The following ID4 variants were observed in gnomAD, a reference collection of about 807,000 sequenced individuals.
ID4 encodes the protein DNA-binding protein inhibitor ID-4.
A neutral mutation model predicts 8.6 loss-of-function variants in ID4; 9 were observed. The observed-to-expected ratio is 1.04, with a 90% confidence interval of 0.63 to 1.82. The LOEUF (loss-of-function observed/expected upper bound fraction) is 1.82. ID4 is among the 40% of genes most tolerant of loss of function. The pLI, the probability that ID4 is intolerant of heterozygous loss-of-function variation, is 0.00. For synonymous variants in ID4, 180 were observed against 118.0 expected (o/e 1.53, Z -3.41); for missense variants, 270 against 235.1 (o/e 1.15, Z -0.97).
chr6:19,841,218 T>G lies in ID4; in HGVS notation c.*2023T>G, dbSNP rs529977432. Among the ~76,000 whole-genome samples the G allele has an allele frequency of 7.9e-5, 12 of 152,218 alleles. No homozygotes were observed. The highest frequency in any genetic ancestry group is 1.5e-4 in the Non-Finnish European group (10 of 68,014). On this transcript the variant is annotated 3_prime_UTR_variant, in exon 3 of 3. Coordinates refer to ENST00000378700, the MANE Select transcript of ID4 (RefSeq NM_001546.4). ...TTTGAGAATTTGATGTTGAACGTTA[T>G]AAAGTCAAAGAACTGCTTGTTTAGA...
chr6:19,838,015 A>G lies in ID4; in HGVS notation c.261A>G (p.Lys87=), dbSNP rs1581594520. The G allele has an allele frequency of 6.2e-7, 1 of 1,604,896 alleles. No individual in the cohort carries two copies. Among genetic ancestry groups the G allele is most frequent in the Non-Finnish European group, 8.5e-7 (1 of 1,175,484 alleles). Residue 87 remains lysine (K), a synonymous_variant, in exon 1 of 3, where the codon AAA becomes AAG. Coordinates refer to ENST00000378700, the MANE Select transcript of ID4 (RefSeq NM_001546.4). ...RLVPTIPPNK[K]VSKVEILQHV... ...TGCCCACCATCCCGCCCAACAAGAA[A>G]GTCAGCAAAGTGGAGATCCTGCAGC...
Position 19,837,976 on chromosome 6 carries a change from C to T in ID4, c.222C>T (p.Arg74=), listed in dbSNP as rs1444287336. The T allele has an allele frequency of 5.3e-5, 85 of 1,589,202 alleles. No individual in the cohort carries two copies. Among genetic ancestry groups the T allele is most frequent in the Non-Finnish European group, 7.2e-5 (84 of 1,168,334 alleles). ...GCGATATGAACGACTGCTATAGCCG[C>T]CTGCGGAGGCTGGTGCCCACCATCC... ...LQCDMNDCYS[R]LRRLVPTIPP... The change falls in exon 1 of 3, where the codon CGC becomes CGT. Residue 74 remains arginine, a synonymous_variant. Transcript: ENST00000378700.
chr6:19,839,062 G>C (rs1451868973), intron 2 of ID4, 148 bp from the exon 3 acceptor site: 1 of 211,734 alleles, frequency 4.7e-6, no homozygotes, highest in Admixed American at 5.4e-5. Context: ...TGCCTGCTCG[G>C]CGCCTGGCCC....
rs1002616573 is a variant in ID4 at position 19,839,228 on chromosome 6, C to G, written c.*33C>G. 1 of 152,904 alleles carries G rather than the reference C, an allele frequency of 6.5e-6. No individual in the cohort carries two copies. Among genetic ancestry groups the G allele is most frequent in the African/African-American group, 2.4e-5 (1 of 41,358 alleles). The allele number at this position is 152,904 out of a possible 1,614,324, so 9.5% of individuals were successfully genotyped here. A position where few individuals can be genotyped will look rare whatever the true frequency, so the allele number is the denominator to read the frequency against. On this transcript the variant is annotated 3_prime_UTR_variant, in exon 3 of 3. Transcript: ENST00000378700. ...TCCACAGGTGTGCGGCCGCCTGAGC[C>G]CGAGCCAGGAGCACTAGAGAGGGAG...
intron 1 of ID4, among the ~76,000 whole-genome samples, 192 bp from the exon 2 acceptor site, chr6:19,838,392 G>T (rs1048938647): frequency 3.3e-5 from 5 of 152,114 alleles, no homozygotes; most frequent in Non-Finnish European, 7.4e-5. Context: ...GGGAGAACGC[G>T]CAGGGCGGGA....
chr6:19,841,898 G>A lies in ID4; in HGVS notation c.*2703G>A, dbSNP rs1761365179. Among the ~76,000 whole-genome samples the A allele has an allele frequency of 6.6e-6, 1 of 152,090 alleles. No individual in the cohort carries two copies. The highest frequency in any genetic ancestry group is 1.5e-5 in the Non-Finnish European group (1 of 67,998). On this transcript the variant is annotated 3_prime_UTR_variant, in exon 3 of 3. Transcript: ENST00000378700. Reference sequence around the variant, plus strand: ...TCATTTCATTTGTAGACTTTTCATTGTATAGGCACAACCAAAGAGTCAGAC... The same window carrying A: ...TCATTTCATTTGTAGACTTTTCATTATATAGGCACAACCAAAGAGTCAGAC...
intron 2 of ID4, 129 bp downstream of exon 2, chr6:19,838,771 T>G: frequency 1.4e-6 from 1 of 704,738 alleles, no homozygotes; most frequent in Non-Finnish European, 2.4e-6. Context: ...AGGAAGTAAA[T>G]CCCCTCTCTC....
chr6:19,840,663 AAGT>A lies in ID4; in HGVS notation c.*1471_*1473del, dbSNP rs1236760921. 4 of 152,448 alleles carry A rather than the reference AAGT, an allele frequency of 2.6e-5. No homozygotes were observed. Among genetic ancestry groups the A allele is most frequent in the Admixed American group, 6.5e-5 (1 of 15,284 alleles). The allele number at this position is 152,448 out of a possible 1,614,324, so 9.4% of individuals were successfully genotyped here. On this transcript the variant is annotated 3_prime_UTR_variant, in exon 3 of 3. Transcript: ENST00000378700. ...GTGTAACTTTTACATGTGAATATTA[AAGT>A]AGATTTCTCTGTCTTGTACTGTGAT...
chr6:19,839,260 G>A lies in ID4; in HGVS notation c.*65G>A, dbSNP rs1761305759. 6.6e-6 allele frequency: 1 copy of A among 152,650 alleles called. No individual in the cohort carries two copies. Among genetic ancestry groups the A allele is most frequent in the South Asian group, 2.1e-4 (1 of 4,824 alleles). 9.5% of individuals were successfully genotyped at this position (152,650 alleles called of 1,614,324 possible). A position where few individuals can be genotyped will look rare whatever the true frequency, so the allele number is the denominator to read the frequency against. ...AGGAGCACTAGAGAGGGAGGGGGAA[G>A]AGCAGAAGTTAGAGAAAAAAAGCCA... On this transcript the variant is annotated 3_prime_UTR_variant, in exon 3 of 3. Transcript: ENST00000378700.
Position 19,838,136 on chromosome 6 carries a change from G to A in ID4, c.382G>A (p.Ala128Thr). ...ACCGCCCGCGCCGCCACACCACCCGGCCGGGACCTGTCCAGCCGCGCCGCC... is the reference window on the plus strand; with the variant it reads ...ACCGCCCGCGCCGCCACACCACCCGACCGGGACCTGTCCAGCCGCGCCGCC... ...PPPPAPPHHP[A>T]GTCPAAPPRT... The change falls in exon 1 of 3, where the codon GCC becomes ACC. Residue 128 changes from alanine to threonine, a missense_variant. This residue lies in a region of ID4 where 107 missense variants were observed against 81.0 expected (regional missense o/e 1.32). Coordinates refer to ENST00000378700, the MANE Select transcript of ID4 (RefSeq NM_001546.4). The A allele has an allele frequency of 6.4e-7, 1 of 1,565,484 alleles. No homozygotes were observed. Among genetic ancestry groups the A allele is most frequent in the Non-Finnish European group, 8.6e-7 (1 of 1,156,684 alleles).
In ID4 at chr6:19,837,695, T is replaced by C; in HGVS notation, c.-60T>C. On this transcript the variant is annotated 5_prime_UTR_variant, in exon 1 of 3. Coordinates refer to ENST00000378700, the MANE Select transcript of ID4 (RefSeq NM_001546.4). ...GCCGGCCGCGGACGGGGCCCGGAGC[T>C]TGCCTGCCTCCCTCGCTCGCCCCAG... 1 of 1,057,630 alleles carries C rather than the reference T, an allele frequency of 9.5e-7. No homozygotes were observed. The highest frequency in any genetic ancestry group is 1.1e-6 in the Non-Finnish European group (1 of 872,418). The allele number at this position is 1,057,630 out of a possible 1,614,324, so 65.5% of individuals were successfully genotyped here. A position where few individuals can be genotyped will look rare whatever the true frequency, so the allele number is the denominator to read the frequency against.
Position 19,838,602 on chromosome 6 carries a change from C to G in ID4, c.460C>G (p.Gln154Glu). The G allele has an allele frequency of 6.2e-7, 1 of 1,613,994 alleles. No individual in the cohort carries two copies. Among genetic ancestry groups the G allele is most frequent in the South Asian group, 1.1e-5 (1 of 91,090 alleles). The change falls in exon 2 of 3, where the codon CAG (glutamine) becomes GAG (glutamate). Residue 154 changes from glutamine to glutamate, a missense_variant. Coordinates refer to ENST00000378700, the MANE Select transcript of ID4 (RefSeq NM_001546.4). The part of the protein sequence containing the change: ...NTDPAGAVNK[Q>E]GDSILCR ...GTTCCAGGCCGGCGCGGTGAACAAG[C>G]AGGGCGACAGCATTCTGTGCCGCTG...
rs139260043 is a variant in ID4, at chr6:19,840,188, C to G, written c.*993C>G. On this transcript the variant is annotated 3_prime_UTR_variant, in exon 3 of 3. Transcript: ENST00000378700. ...GTAAGTGTTTGTTTTTGTTTTTCAA[C>G]TGAGGTCAAAATGGATTCTGAATGA... 2 of 152,254 alleles carry G rather than the reference C, an allele frequency of 1.3e-5. No homozygotes were observed. Among genetic ancestry groups the G allele is most frequent in the Non-Finnish European group, 2.9e-5 (2 of 67,964 alleles). The allele number at this position is 152,254 out of a possible 1,614,324, so 9.4% of individuals were successfully genotyped here. A position where few individuals can be genotyped will look rare whatever the true frequency, so the allele number is the denominator to read the frequency against.
In ID4 at chr6:19,838,590, G is replaced by A. The variant is rs1172406823; in HGVS notation, c.448G>A (p.Ala150Thr). The A allele has an allele frequency of 4.3e-6, 7 of 1,613,976 alleles. No homozygotes were observed. Among genetic ancestry groups the A allele is most frequent in the Middle Eastern group, 1.6e-4 (1 of 6,062 alleles). Residue 150 changes from alanine to threonine, a missense_variant, in exon 2 of 3, where the codon GCG (alanine) becomes ACG (threonine). Coordinates refer to ENST00000378700, the MANE Select transcript of ID4 (RefSeq NM_001546.4). ...TGTTCGGTTGCTGTTCCAGGCCGGC[G>A]CGGTGAACAAGCAGGGCGACAGCAT... Reference protein sequence around the residue: ...LTALNTDPAGAVNKQGDSILC... With the variant: ...LTALNTDPAGTVNKQGDSILC...
rs371676951 is a variant in ID4, at chr6:19,838,592, G to C, written c.450G>C (p.Ala150=). 6.2e-7 allele frequency: 1 copy of C among 1,614,012 alleles called. No individual in the cohort carries two copies. Among genetic ancestry groups the C allele is most frequent in the Non-Finnish European group, 8.5e-7 (1 of 1,179,900 alleles). The part of the protein sequence containing the change: ...LTALNTDPAG[A]VNKQGDSILC... ...TTCGGTTGCTGTTCCAGGCCGGCGC[G>C]GTGAACAAGCAGGGCGACAGCATTC... is the stretch of plus-strand genomic sequence containing the variant. The change falls in exon 2 of 3, where the codon GCG becomes GCC. Residue 150 remains alanine, a synonymous_variant. Transcript: ENST00000378700.
rs78171725 is a variant in ID4, at chr6:19,839,616, A to T, written c.*421A>T. On this transcript the variant is annotated 3_prime_UTR_variant, in exon 3 of 3. Transcript: ENST00000378700. ...ACTAATCTACCAGAGCATTGTAGAT[A>T]TTTTTTTTTTACATCTATTGTTTAA... 2 of 150,420 alleles carry T rather than the reference A, an allele frequency of 1.3e-5. No homozygotes were observed. Among genetic ancestry groups the T allele is most frequent in the Admixed American group, 6.6e-5 (1 of 15,076 alleles). The allele number at this position is 150,420 out of a possible 1,614,324, so 9.3% of individuals were successfully genotyped here.
chr6:19,838,710 C>T (rs779960055), intron 2 of ID4, 68 bp downstream of exon 2: 450 of 1,393,718 alleles, frequency 3.2e-4, no homozygotes, highest in Admixed American at 5.4e-4. Context: ...GCTTCCGGGG[C>T]CAGGCACCGC....
At chr6:19,838,282 C>T (rs1014612840) in intron 1 of ID4, 87 bp downstream of exon 1, 13 of 1,222,148 alleles carry the variant, frequency 1.1e-5, no homozygotes, top group Non-Finnish European at 1.4e-5. Flanking sequence ...GCTCACCGTC[C>T]TCCGGGCAGG....
chr6:19,837,415 G>A lies in ID4; in HGVS notation c.-340G>A, dbSNP rs1193213188. On this transcript the variant is annotated 5_prime_UTR_variant, in exon 1 of 3. Transcript: ENST00000378700. Reference sequence around the variant, plus strand: ...GCGGTTGTGAGTAGTACCGGGAGTGGGGTGATCCCGGGCTAGGGGAGCGCG... The same window carrying A: ...GCGGTTGTGAGTAGTACCGGGAGTGAGGTGATCCCGGGCTAGGGGAGCGCG... 6.5e-6 allele frequency: 1 copy of A among 154,758 alleles called. No homozygotes were observed. Among genetic ancestry groups the A allele is most frequent in the Non-Finnish European group, 1.4e-5 (1 of 70,038 alleles). The allele number at this position is 154,758 out of a possible 1,614,324, so 9.6% of individuals were successfully genotyped here. A position where few individuals can be genotyped will look rare whatever the true frequency, so the allele number is the denominator to read the frequency against.
Sources: gnomAD v4.1 joint callset for allele counts (sites outside exome capture counted in the v4.1 genomes callset) on GRCh38, gnomAD v4.1.1 for gene constraint, gnomAD v4.1.1 regional missense constraint, MANE v1.5 for transcripts, NCBI Gene and HGNC (gene_info 2026-07-23, HGNC 2026-07-21) for gene names.